RBFOX1: variants seen among roughly 807,000 people sequenced by gnomAD.
RBFOX1 encodes the protein RNA binding fox-1 homolog 1, also known as RNA binding protein fox-1 homolog 1.
RBFOX1 carries 8 observed loss-of-function variants against 57.7 expected under a neutral mutation model. The ratio of observed to expected loss-of-function variants is 0.14; its 90% CI spans 0.08 to 0.25. The LOEUF is 0.25. Among genes scored for constraint, RBFOX1 ranks in the 10% least tolerant of loss-of-function variants. RBFOX1 has a pLI of 1.00. For missense variants in RBFOX1, 611 were observed against 548.5 expected, an observed-to-expected ratio of 1.11 and a Z score of -1.14; for synonymous variants, 326 against 222.4, an observed-to-expected ratio of 1.47 and a Z score of -4.15.
chr16:6,974,484 A>C (rs989526078), intron 3 of RBFOX1, among the ~76,000 whole-genome samples: 1 of 151,516 alleles, frequency 6.6e-6, no homozygotes, highest in Non-Finnish European at 1.5e-5. Context: ...AGCTGAGATA[A>C]CAGGTGCGTG....
intron 4 of RBFOX1, among the ~76,000 whole-genome samples, chr16:7,152,658 G>C (rs1336065060): frequency 6.6e-6 from 1 of 152,156 alleles, no homozygotes; most frequent in Admixed American, 6.5e-5. Context: ...GCAGATGTCA[G>C]TGAAAAGGAA....
At chr16:7,279,997 C>G (rs2095509910) in intron 4 of RBFOX1, among the ~76,000 whole-genome samples, 1 of 152,192 alleles carries the variant, frequency 6.6e-6, no homozygotes, top group African/African-American at 2.4e-5. Flanking sequence ...CATTTGCTGA[C>G]TCCATGGCCA....
At chr16:6,840,704 T>C (rs970610469) in intron 3 of RBFOX1, among the ~76,000 whole-genome samples, 2 of 151,778 alleles carry the variant, frequency 1.3e-5, no homozygotes, top group Non-Finnish European at 2.9e-5. Context: ...CTGGCCAACA[T>C]GGTGAAACCC....
chr16:7,626,909 G>C (rs1254805595), intron 10 of RBFOX1, among the ~76,000 whole-genome samples: 1 of 152,192 alleles, frequency 6.6e-6, no homozygotes, highest in African/African-American at 2.4e-5. Context: ...AGATGAGTAT[G>C]ATTTGGCTCT....
At chr16:6,222,201 A>G (rs1464094911) in intron 1 of RBFOX1, among the ~76,000 whole-genome samples, 1 of 152,218 alleles carries the variant, frequency 6.6e-6, no homozygotes, top group Non-Finnish European at 1.5e-5. Flanking sequence ...ATAAAATACA[A>G]TGTTATGAAA....
chr16:6,456,783 A>G (rs1054235791), intron 2 of RBFOX1, among the ~76,000 whole-genome samples: 8 of 152,216 alleles, frequency 5.3e-5, no homozygotes, highest in African/African-American at 1.9e-4. Flanking sequence ...TTGTAGATCA[A>G]TTGTACATGA....
intron 4 of RBFOX1, among the ~76,000 whole-genome samples, chr16:5,995,926 G>T (rs1014514977): frequency 6.6e-6 from 1 of 152,176 alleles, no homozygotes; most frequent in Non-Finnish European, 1.5e-5. Flanking sequence ...CAAGACTGAG[G>T]CAGTCTCCAA....
In RBFOX1 at chr16:5,521,129, G is replaced by A. The variant is rs557049196; in HGVS notation, c.258+53875G>A. 1.4e-4 allele frequency among the ~76,000 whole-genome samples: 22 copies of A among 152,280 alleles called. 1 individual carries two copies. The East Asian group carries it at 4.3e-3, about 29-fold the overall frequency. On this transcript the variant is annotated intron_variant, in intron 2 of 2. Coordinates refer to the RBFOX1 transcript ENST00000585867. The stretch of plus-strand genomic sequence containing the variant: ...AAATAAGCCCCTATCTGTTTGGGTG[G>A]TTGCAGTCTGGCTTTCCAACCCTTG...
At chr16:7,638,568 G>C (rs1022961375) in intron 11 of RBFOX1, among the ~76,000 whole-genome samples, 11 of 152,174 alleles carry the variant, frequency 7.2e-5, no homozygotes, top group Non-Finnish European at 1.6e-4. Flanking sequence ...TGGAGAGGCA[G>C]TTTTCCCCTC....
intron 3 of RBFOX1, among the ~76,000 whole-genome samples, chr16:6,872,330 C>G (rs892758227): frequency 6.6e-5 from 10 of 152,114 alleles, no homozygotes; most frequent in South Asian, 4.1e-4. Flanking sequence ...CTCTTCCTTC[C>G]TCCCTTCTCT....
At chr16:7,372,322 C>G (rs1263955643) in intron 4 of RBFOX1, among the ~76,000 whole-genome samples, 1 of 152,200 alleles carries the variant, frequency 6.6e-6, no homozygotes, top group Non-Finnish European at 1.5e-5. Flanking sequence ...CTCTAAAGGA[C>G]ACAGTGTTCA....
At chr16:6,351,128 C>A (rs1326404729) in intron 2 of RBFOX1, among the ~76,000 whole-genome samples, 1 of 151,986 alleles carries the variant, frequency 6.6e-6, no homozygotes, top group Middle Eastern at 3.2e-3. Flanking sequence ...ATAATGGAGT[C>A]CCTGTCTTGA....
rs140844305 is a variant in RBFOX1, at chr16:5,817,328, G to A, written c.319-49975G>A. 4.4e-3 allele frequency among the ~76,000 whole-genome samples: 668 copies of A among 152,238 alleles called. 5 individuals carry two copies. Among genetic ancestry groups the A allele is most frequent in the South Asian group, 0.011 (53 of 4,824 alleles). On this transcript the variant is annotated intron_variant, in intron 3 of 19. Transcript: ENST00000641259. ...TTCCCCTCACATTTCTTCTTAAAGCGAGCTTGCTGACAAGCAGGTACTGAT... is the reference window on the plus strand; with the variant it reads ...TTCCCCTCACATTTCTTCTTAAAGCAAGCTTGCTGACAAGCAGGTACTGAT...
chr16:6,038,123 A>G (rs1317955006), intron 1 of RBFOX1: 1 of 151,570 alleles, frequency 6.6e-6, no homozygotes, highest in Non-Finnish European at 1.5e-5. Flanking sequence ...TTTTTCATAT[A>G]TACTTGCTTA....
At chr16:6,976,481 G>T (rs1375350341) in intron 3 of RBFOX1, among the ~76,000 whole-genome samples, 1 of 152,072 alleles carries the variant, frequency 6.6e-6, no homozygotes, top group Non-Finnish European at 1.5e-5. Flanking sequence ...TAGAACCCAA[G>T]AGGGGGTTTT....
intron 6 of RBFOX1, among the ~76,000 whole-genome samples, chr16:7,583,103 T>C (rs1034978): frequency 0.84 from 127,917 of 151,700 alleles, 54,776 homozygotes; most frequent in Middle Eastern, 0.94. Flanking sequence ...TTCTACTCAT[T>C]GGAAGCATTT....
At chr16:7,439,035 C>A (rs896894175) in intron 4 of RBFOX1, among the ~76,000 whole-genome samples, 1 of 152,184 alleles carries the variant, frequency 6.6e-6, no homozygotes, top group Non-Finnish European at 1.5e-5. Flanking sequence ...CAGCGGAAAC[C>A]ACCGCACTTT....
At chr16:6,066,370 A>T (rs1052142058) in intron 1 of RBFOX1, among the ~76,000 whole-genome samples, 5 of 143,884 alleles carry the variant, frequency 3.5e-5, no homozygotes, top group East Asian at 2.4e-4. Flanking sequence ...AGCACTAATT[A>T]AAAAAAAATC....
chr16:7,400,710 C>A (rs953223775), intron 4 of RBFOX1, among the ~76,000 whole-genome samples: 2 of 152,144 alleles, frequency 1.3e-5, no homozygotes, highest in African/African-American at 4.8e-5. Flanking sequence ...AGGAAAAATT[C>A]TTCTGCAAAG....
Sources: gnomAD v4.1 joint callset for allele counts (sites outside exome capture counted in the v4.1 genomes callset) on GRCh38, gnomAD v4.1.1 for gene constraint, MANE v1.5 for transcripts, NCBI Gene and HGNC (gene_info 2026-07-23, HGNC 2026-07-21) for gene names.